Variants in TRERF1 observed in about 807,000 individuals in gnomAD.
TRERF1 encodes transcriptional regulating factor 1, also known as transcriptional-regulating factor 1.
In TRERF1, 27 loss-of-function variants were observed where a neutral mutation model predicts 122.9. The observed-to-expected ratio is 0.22, with a 90% CI of 0.16 to 0.30. The LOEUF (loss-of-function observed/expected upper bound fraction) is 0.30. TRERF1 is among the 10% of genes least tolerant of loss of function. The pLI, the probability that TRERF1 is intolerant of heterozygous loss-of-function variation, is 1.00. For synonymous variants in TRERF1, 636 were observed against 641.7 expected (o/e 0.99, Z 0.13); for missense variants, 1,248 against 1,560.3 (o/e 0.80, Z 3.37).
At chr6:42,332,185 C>T (rs1385948073) in intron 3 of TRERF1, among the ~76,000 whole-genome samples, 1 of 152,212 alleles carries the variant, frequency 6.6e-6, no homozygotes, top group Non-Finnish European at 1.5e-5. Context: ...TCAGGTGATC[C>T]GCCCACCTCG....
intron 4 of TRERF1, among the ~76,000 whole-genome samples, chr6:42,299,735 G>C (rs890781989): frequency 3.9e-5 from 6 of 152,198 alleles, no homozygotes; most frequent in African/African-American, 1.4e-4. Flanking sequence ...GGAGCCCACG[G>C]AAGTAGTTCA....
chr6:42,226,751 C>T (rs1769596672), exon 18 of TRERF1: 1 of 152,230 alleles, frequency 6.6e-6, no homozygotes. Context: ...TCAGGTCCTA[C>T]TCTCATGCTT....
intron 2 of TRERF1, among the ~76,000 whole-genome samples, chr6:42,372,741 T>A (rs560075885): frequency 4.6e-5 from 7 of 152,226 alleles, no homozygotes; most frequent in African/African-American, 1.4e-4. Flanking sequence ...GGAAGTGAGA[T>A]CTGAGTTGGG....
At position 42,393,027 on chromosome 6, in the gene TRERF1, T is replaced by C. The variant is rs942696542; in HGVS notation, c.-453-29948A>G. On this transcript the variant is annotated intron_variant, in intron 2 of 17. Transcript: ENST00000372922. This position sits in a 1 kb window ranked among gnomAD's most constrained non-coding sequence, Gnocchi z 4.1. ...TTCAAGCTGCCGACGCGAGGGCCAC[T>C]GGACATGGAGTTGGGAAGAGACATG... Among the ~76,000 whole-genome samples, 2 of 151,946 alleles carry C rather than the reference T, an allele frequency of 1.3e-5. No individual in the cohort carries two copies. The highest frequency in any genetic ancestry group is 4.8e-5 in the African/African-American group (2 of 41,334).
chr6:42,426,706 G>A (rs1179659331), intron 2 of TRERF1, among the ~76,000 whole-genome samples: 1 of 152,172 alleles, frequency 6.6e-6, no homozygotes, highest in Non-Finnish European at 1.5e-5. Context: ...TTGGAACGCA[G>A]ACACGCTCAT....
rs1769942985 is a variant in TRERF1, at chr6:42,228,774, C to G, written c.3279-105G>C. On this transcript the variant is annotated intron_variant, in intron 17 of 17. Transcript: ENST00000372922. This position sits in a 1 kb window ranked among gnomAD's most constrained non-coding sequence, Gnocchi z 4.2. ...GGGGGTGTGTGGTCTGACAAAGTCC[C>G]TGGCTGCTCGGCTTCTAGGACCTCC... 5 of 1,193,266 alleles carry G rather than the reference C, an allele frequency of 4.2e-6. No homozygotes were observed. Among genetic ancestry groups the G allele is most frequent in the Admixed American group, 4.6e-5 (2 of 43,588 alleles). 73.9% of individuals were successfully genotyped at this position (1,193,266 alleles called of 1,614,324 possible). A position where few individuals can be genotyped will look rare whatever the true frequency, so the allele number is the denominator to read the frequency against.
intron 13 of TRERF1, among the ~76,000 whole-genome samples, chr6:42,254,645 C>T (rs1776396720): frequency 6.6e-6 from 1 of 151,944 alleles, no homozygotes; most frequent in Admixed American, 6.5e-5. Flanking sequence ...GGTCTTGGCA[C>T]ACCCACAAGG....
chr6:42,259,741 A>G lies in TRERF1; in HGVS notation c.1885-18T>C. The G allele has an allele frequency of 6.3e-7, 1 of 1,599,812 alleles. No individual in the cohort carries two copies. The highest frequency in any genetic ancestry group is 8.5e-7 in the Non-Finnish European group (1 of 1,179,818). On this transcript the variant is annotated intron_variant, in intron 8 of 17. Transcript: ENST00000372922. The surrounding 1 kb of genome is among the most constrained non-coding windows in gnomAD (Gnocchi z 4.9). Reference sequence around the variant, plus strand: ...GGGATTTCCTAAAACCGGAACAACGATCTGATTCGAATACTTCAGCTTCCC... The same window carrying G: ...GGGATTTCCTAAAACCGGAACAACGGTCTGATTCGAATACTTCAGCTTCCC...
rs576105473 is a variant in TRERF1 at position 42,246,394 on chromosome 6, T to C, written c.2745+62A>G. The C allele has an allele frequency of 1.8e-4, 211 of 1,204,310 alleles. 1 individual carries two copies. The East Asian group carries it at 4.5e-3, about 25-fold the overall frequency. The allele number at this position is 1,204,310 out of a possible 1,614,324, so 74.6% of individuals were successfully genotyped here. A position where few individuals can be genotyped will look rare whatever the true frequency, so the allele number is the denominator to read the frequency against. On this transcript the variant is annotated intron_variant, in intron 14 of 17. Coordinates refer to ENST00000372922, the Ensembl canonical transcript of TRERF1. ...AAACCAGTATCCAAATATTTCTAAA[T>C]ATTTTTGTGTACAATTTCCCAAATT...
At chr6:42,405,818 TAAAAAAAATAA>T (rs1215070546) in intron 2 of TRERF1, among the ~76,000 whole-genome samples, 1 of 147,020 alleles carries the variant, frequency 6.8e-6, no homozygotes, top group Non-Finnish European at 1.5e-5. Context: ...TTAAAAAAAT[TAAAAAAAATAA>T]AAAAAAAATA....
intron 3 of TRERF1, among the ~76,000 whole-genome samples, chr6:42,342,742 C>G (rs758208911): frequency 5.3e-5 from 8 of 152,216 alleles, no homozygotes; most frequent in Non-Finnish European, 1.2e-4. Context: ...CTGTCTTCAA[C>G]AGTCTTGGCT....
chr6:42,389,104 C>T (rs977709904), intron 2 of TRERF1, among the ~76,000 whole-genome samples: 33 of 152,112 alleles, frequency 2.2e-4, no homozygotes, highest in African/African-American at 6.8e-4. Flanking sequence ...AGAGGGGGTA[C>T]TTAAAAAGAA....
intron 3 of TRERF1, among the ~76,000 whole-genome samples, chr6:42,317,893 C>G (rs150046362): frequency 6.6e-6 from 1 of 152,058 alleles, no homozygotes; most frequent in African/African-American, 2.4e-5. Context: ...GTGGCTCACA[C>G]CTGTAATCCC....
intron 2 of TRERF1, among the ~76,000 whole-genome samples, chr6:42,371,617 TTTGAGAC>T (rs1016646352): frequency 6.6e-6 from 1 of 152,100 alleles, no homozygotes; most frequent in African/African-American, 2.4e-5. Flanking sequence ...TTTAAAGAAC[TTTGAGAC>T]TTCAAGAGTG....
Position 42,276,276 on chromosome 6 carries a change from G to A in TRERF1, c.-258-6428C>T, listed in dbSNP as rs1437606930. Among the ~76,000 whole-genome samples the A allele has an allele frequency of 1.3e-5, 2 of 152,260 alleles. No homozygotes were observed. ...GAAGTTGACTTTGGCGGAGGTCTCC[G>A]CAGGACTTGTTTGCTTACAATTCAG... On this transcript the variant is annotated intron_variant, in intron 4 of 17. Coordinates refer to ENST00000372922, the Ensembl canonical transcript of TRERF1. This position sits in a 1 kb window ranked among gnomAD's most constrained non-coding sequence, Gnocchi z 4.3.
chr6:42,339,996 G>A (rs1766947967), intron 3 of TRERF1, among the ~76,000 whole-genome samples: 2 of 152,166 alleles, frequency 1.3e-5, no homozygotes, highest in Admixed American at 1.3e-4. Flanking sequence ...AGGGTATGAA[G>A]TGCTCAAAGG....
rs183671203 is a variant in TRERF1 at position 42,375,422 on chromosome 6, T to A, written c.-453-12343A>T. On this transcript the variant is annotated intron_variant, in intron 2 of 17. Coordinates refer to ENST00000372922, the Ensembl canonical transcript of TRERF1. ...TATCCACACAAATGCTAGTTCCTCC[T>A]CTCTTAGCAAGAAATGCCTGAGGCT... Among the ~76,000 whole-genome samples, 6 of 152,316 alleles carry A rather than the reference T, an allele frequency of 3.9e-5. No individual in the cohort carries two copies. In the East Asian group the frequency reaches 1.2e-3, roughly 29 times the overall value.
chr6:42,299,184 CAT>C (rs201635123), intron 4 of TRERF1, among the ~76,000 whole-genome samples: 2,078 of 148,174 alleles, frequency 0.014, 18 homozygotes, highest in South Asian at 0.031. Context: ...AAAAAACACA[CAT>C]AGAGTCTGTT....
chr6:42,428,674 A>G (rs924347863), intron 2 of TRERF1, among the ~76,000 whole-genome samples: 1 of 152,212 alleles, frequency 6.6e-6, no homozygotes, highest in Admixed American at 6.5e-5. Flanking sequence ...CAAAACTCCA[A>G]AGGAGATTAA....
Sources: allele counts gnomAD v4.1 joint callset (sites outside exome capture counted in the v4.1 genomes callset), GRCh38; gene constraint gnomAD v4.1.1; non-coding constraint Gnocchi (gnomAD v3.1); transcripts MANE v1.5; gene names NCBI Gene and HGNC (gene_info 2026-07-23, HGNC 2026-07-21).